ARSG: variants seen among roughly 807,000 people sequenced by gnomAD.
ARSG encodes arylsulfatase G, also known as ASG.
Under a neutral mutation model 50.5 loss-of-function variants are expected in ARSG, and 37 were observed. The observed-to-expected ratio is 0.73, with a 90% confidence interval of 0.56 to 0.96. The LOEUF (loss-of-function observed/expected upper bound fraction) is 0.96, where lower values mean the gene tolerates loss of function less well. Ranked by LOEUF, ARSG falls within the 50% of genes least tolerant of loss-of-function variation. ARSG has a pLI of 0.00. For synonymous variants in ARSG, 225 were observed against 254.6 expected (o/e 0.88, Z 1.11); for missense variants, 629 against 675.3 (o/e 0.93, Z 0.76).
At chr17:68,301,011 G>A (rs1258773631) in intron 1 of ARSG, among the ~76,000 whole-genome samples, 2 of 151,942 alleles carry the variant, frequency 1.3e-5, no homozygotes, top group South Asian at 2.1e-4. Flanking sequence ...CCAGCTACTC[G>A]GGAGGCTGAG....
chr17:68,389,160 G>A (rs769037439), intron 9 of ARSG, among the ~76,000 whole-genome samples: 8 of 152,090 alleles, frequency 5.3e-5, no homozygotes, highest in South Asian at 2.1e-4. Context: ...ACCACATGTC[G>A]CCTTTCCAAG....
At chr17:68,281,593 T>A (rs1218185131) in intron 1 of ARSG, among the ~76,000 whole-genome samples, 2 of 151,740 alleles carry the variant, frequency 1.3e-5, no homozygotes, top group Non-Finnish European at 2.9e-5. Flanking sequence ...AATAAATAAA[T>A]AAAATGGGTG....
intron 5 of ARSG, 100 bp from the exon 6 acceptor site, chr17:68,356,567 G>A: frequency 7.2e-7 from 1 of 1,379,692 alleles, no homozygotes; most frequent in Middle Eastern, 1.8e-4. Context: ...GGGCCAGAGT[G>A]TTGTATTTAT....
At chr17:68,282,817 G>C (rs1555753250) in intron 1 of ARSG, among the ~76,000 whole-genome samples, 5 of 124,402 alleles carry the variant, frequency 4.0e-5, no homozygotes, top group African/African-American at 1.3e-4. Context: ...GTGTGCTGGT[G>C]GGTGCCTGTA....
rs116988634 is a variant in ARSG at position 68,312,091 on chromosome 17, C to T, written c.218+4380C>T. On this transcript the variant is annotated intron_variant, in intron 2 of 11. Coordinates refer to ENST00000621439, the MANE Select transcript of ARSG (RefSeq NM_001267727.2). ...CTGCGATTACAGGTCTGAGCCACCA[C>T]GCCTGGCCTGTACTGTTGTTTTAAG... 4.6e-3 allele frequency among the ~76,000 whole-genome samples: 700 copies of T among 152,246 alleles called. 8 individuals carry two copies. Among genetic ancestry groups the T allele is most frequent in the Non-Finnish European group, 6.9e-3 (472 of 68,012 alleles).
At chr17:68,320,409 A>T (rs2077237135) in intron 2 of ARSG, among the ~76,000 whole-genome samples, 1 of 152,222 alleles carries the variant, frequency 6.6e-6, no homozygotes, top group African/African-American at 2.4e-5. Context: ...GAGACTTAAA[A>T]TGAAGGGAGA....
In ARSG at chr17:68,399,983, G is replaced by C. The variant is rs990148228; in HGVS notation, c.1213-1377G>C. Among the ~76,000 whole-genome samples the C allele has an allele frequency of 3.3e-5, 5 of 152,290 alleles. No individual in the cohort carries two copies. Among genetic ancestry groups the C allele is most frequent in the Middle Eastern group, 3.4e-3 (1 of 294 alleles). On this transcript the variant is annotated intron_variant, in intron 10 of 11. Transcript: ENST00000621439. The surrounding 1 kb of genome is among the most constrained non-coding windows in gnomAD (Gnocchi z 4.6). ...TGGAAGGAACCTGCTATCATCATGC[G>C]CGCCCTGGGTTTGTGCAGGGATTGT...
intron 2 of ARSG, among the ~76,000 whole-genome samples, chr17:68,329,832 T>A (rs1001011220): frequency 3.9e-5 from 6 of 152,052 alleles, no homozygotes; most frequent in African/African-American, 1.4e-4. Context: ...CACAAAAAAA[T>A]CAATGTTTTA....
At chr17:68,436,775 T>C in the ARSG span, among the ~76,000 whole-genome samples, 1 of 152,078 alleles carries the variant, frequency 6.6e-6, no homozygotes, top group East Asian at 1.9e-4. Flanking sequence ...GGCGGGCGGA[T>C]CACTTGAGGT....
At chr17:68,376,488 G>T (rs1210151728) in intron 8 of ARSG, among the ~76,000 whole-genome samples, 2 of 151,722 alleles carry the variant, frequency 1.3e-5, no homozygotes, top group African/African-American at 2.4e-5. Context: ...ACGGGGTCTT[G>T]CTATGTTGCC....
chr17:68,329,358 A>G (rs1189043220), intron 2 of ARSG, among the ~76,000 whole-genome samples: 2 of 152,160 alleles, frequency 1.3e-5, no homozygotes, highest in Non-Finnish European at 2.9e-5. Flanking sequence ...GTGTCATGTC[A>G]CATCTGGAAA....
At chr17:68,443,038 T>G in the ARSG span, among the ~76,000 whole-genome samples, 5 of 152,336 alleles carry the variant, frequency 3.3e-5, no homozygotes, top group Admixed American at 3.3e-4. Context: ...AAAATGTGCT[T>G]CAAAGTCATT....
chr17:68,418,644 T>C (rs1035972847), intron 11 of ARSG, among the ~76,000 whole-genome samples: 1 of 152,184 alleles, frequency 6.6e-6, no homozygotes, highest in African/African-American at 2.4e-5. Flanking sequence ...TGTATTGAGT[T>C]GCATGTTGGC....
chr17:68,286,748 G>A (rs143118544), upstream of ARSG, among the ~76,000 whole-genome samples: 649 of 152,200 alleles, frequency 4.3e-3, 4 homozygotes, highest in African/African-American at 0.015. Flanking sequence ...CAAGTGATCT[G>A]CCCGCCTTGG....
At chr17:68,374,472 T>C (rs955736489) in intron 8 of ARSG, among the ~76,000 whole-genome samples, 9 of 152,178 alleles carry the variant, frequency 5.9e-5, no homozygotes, top group African/African-American at 2.2e-4. Flanking sequence ...TGATCTCTTC[T>C]CTCTTTATGA....
chr17:68,437,005 A>ATATAT, the ARSG span, among the ~76,000 whole-genome samples: 44 of 107,254 alleles, frequency 4.1e-4, no homozygotes, highest in Admixed American at 2.7e-3. Flanking sequence ...AAAAAAAAAA[A>ATATAT]ATATATATAT....
upstream of ARSG, among the ~76,000 whole-genome samples, chr17:68,288,082 T>G (rs1345331393): frequency 2.7e-5 from 4 of 150,600 alleles, no homozygotes; most frequent in African/African-American, 9.8e-5. Flanking sequence ...CTGCAAGCTC[T>G]GCCTCCCGGG....
At position 68,404,278 on chromosome 17, in the gene ARSG, C is replaced by T. The variant is rs1430218993; in HGVS notation, c.1303+2828C>T. Among the ~76,000 whole-genome samples, 18 of 152,308 alleles carry T rather than the reference C, an allele frequency of 1.2e-4. No individual in the cohort carries two copies. The Middle Eastern group carries it at 0.01, about 86-fold the overall frequency. ...TTCTAGTTCGAGATCCTTGAGGAATCGCCACACTGTCTTCCTCAATGGTTG... is the reference window on the plus strand; with the variant it reads ...TTCTAGTTCGAGATCCTTGAGGAATTGCCACACTGTCTTCCTCAATGGTTG... On this transcript the variant is annotated intron_variant, in intron 11 of 11. Transcript: ENST00000621439.
chr17:68,433,973 G>T, the ARSG span, among the ~76,000 whole-genome samples: 1 of 151,826 alleles, frequency 6.6e-6, no homozygotes, highest in African/African-American at 2.4e-5. Context: ...AGTAGAGACG[G>T]TGTTTCACCA....
Sources: allele counts gnomAD v4.1 joint callset (sites outside exome capture counted in the v4.1 genomes callset), GRCh38; gene constraint gnomAD v4.1.1; non-coding constraint Gnocchi (gnomAD v3.1); transcripts MANE v1.5; gene names NCBI Gene and HGNC (gene_info 2026-07-23, HGNC 2026-07-21).